SEMA3F: variants seen among roughly 807,000 people sequenced by gnomAD.
SEMA3F encodes semaphorin-3F.
Under a neutral mutation model 98.5 loss-of-function variants are expected in SEMA3F, and 30 were observed. That is an observed-to-expected ratio of 0.30 (90% CI 0.23 to 0.41). SEMA3F has a LOEUF of 0.41. Ranked by LOEUF, SEMA3F falls within the 10% of genes least tolerant of loss-of-function variation. The pLI is 1.00. For synonymous variants in SEMA3F, 380 were observed against 444.8 expected (o/e 0.85, Z 1.83); for missense variants, 866 against 1,119.3 (o/e 0.77, Z 3.23).
chr3:50,183,796 G>A (rs1575407040), intron 12 of SEMA3F, among the ~76,000 whole-genome samples: 1 of 152,196 alleles, frequency 6.6e-6, no homozygotes, highest in African/African-American at 2.4e-5. Flanking sequence ...TCCTCAGAGG[G>A]TCCTCTGTGG....
chr3:50,184,858 G>A (rs1249735035), intron 13 of SEMA3F, 44 bp downstream of exon 13: 40 of 1,465,130 alleles, frequency 2.7e-5, no homozygotes, highest in Admixed American at 9.0e-5. Flanking sequence ...GGGCCCACCG[G>A]GTGCGGGGTG....
intron 2 of SEMA3F, 71 bp downstream of exon 2, chr3:50,159,805 G>T: frequency 9.7e-7 from 1 of 1,031,350 alleles, no homozygotes. Flanking sequence ...CTCTGCACAC[G>T]AGAGAAAGGG....
At chr3:50,172,405 C>A (rs891878641) in intron 2 of SEMA3F, among the ~76,000 whole-genome samples, 1 of 152,096 alleles carries the variant, frequency 6.6e-6, no homozygotes, top group African/African-American at 2.4e-5. Context: ...CCTCGGCTCT[C>A]CCTCCCCTTG....
rs1699092788 is a variant in SEMA3F at position 50,183,449 on chromosome 3, T to C, written c.1118T>C (p.Val373Ala). Residue 373 changes from valine (V) to alanine (A), a missense_variant, in exon 12 of 19, where the codon GTC (valine) becomes GCC (alanine). Val to Ala is a moderately conservative substitution (Grantham distance 64). Transcript: ENST00000002829. ...GTGTTCCGAGGCTCTGCCGTGTGTG[T>C]CTACTCCATGGCTGATATTCGCATG... ...GSVFRGSAVC[V>A]YSMADIRMVF... is the part of the protein sequence containing the mutation. 1.9e-6 allele frequency: 3 copies of C among 1,614,006 alleles called. No individual in the cohort carries two copies. Among genetic ancestry groups the C allele is most frequent in the African/African-American group, 2.7e-5 (2 of 74,936 alleles).
Position 50,185,979 on chromosome 3 carries a change from C to T in SEMA3F, c.1678C>T (p.Leu560Phe). ...TGGGGCTGCCTGTGCTGACTGCTGCCTTGCCCGGGACCCTTACTGTGCCTG... is the reference window on the plus strand; with the variant it reads ...TGGGGCTGCCTGTGCTGACTGCTGCTTTGCCCGGGACCCTTACTGTGCCTG... Reference protein sequence around the residue: ...AYGAACADCCLARDPYCAWDG... With the variant: ...AYGAACADCCFARDPYCAWDG... Residue 560 changes from leucine to phenylalanine, a missense_variant, in exon 16 of 19, where the codon CTT (leucine) becomes TTT (phenylalanine). Physicochemically the swap from Leu to Phe is conservative, Grantham distance 22 (BLOSUM62 0). Around this residue, in one of 3 missense-constraint regions of SEMA3F, gnomAD observed 374 missense variants for 582.8 expected, o/e 0.64. Transcript: ENST00000002829. 1 of 1,614,132 alleles carries T rather than the reference C, an allele frequency of 6.2e-7. No individual in the cohort carries two copies. Among genetic ancestry groups the T allele is most frequent in the Non-Finnish European group, 8.5e-7 (1 of 1,180,002 alleles).
At chr3:50,174,611 A>ATATGTG (rs1698739752) in intron 5 of SEMA3F, among the ~76,000 whole-genome samples, 1 of 152,262 alleles carries the variant, frequency 6.6e-6, no homozygotes, top group African/African-American at 2.4e-5. Flanking sequence ...GCACATAGTA[A>ATATGTG]GCACTTGCTC....
intron 2 of SEMA3F, among the ~76,000 whole-genome samples, chr3:50,164,352 G>T (rs1466004788): frequency 2.0e-5 from 3 of 152,204 alleles, no homozygotes; most frequent in Non-Finnish European, 4.4e-5. Flanking sequence ...AATTTAAAGA[G>T]AAACCGCCAA....
intron 1 of SEMA3F, 27 bp from the exon 2 acceptor site, chr3:50,159,548 C>G (rs1054113289): frequency 1.1e-6 from 1 of 870,690 alleles, no homozygotes; most frequent in Admixed American, 2.4e-5. Flanking sequence ...CTGCCTCACA[C>G]ATTCCAATCT....
chr3:50,185,986 G>A lies in SEMA3F; in HGVS notation c.1685G>A (p.Arg562Gln). 8 of 1,614,066 alleles carry A rather than the reference G, an allele frequency of 5.0e-6. No homozygotes were observed. Among genetic ancestry groups the A allele is most frequent in the Non-Finnish European group, 5.9e-6 (7 of 1,179,992 alleles). Residue 562 changes from arginine (R) to glutamine (Q), a missense_variant, in exon 16 of 19, where the codon CGG becomes CAG. By Grantham distance (43) the Arg-to-Gln change is conservative (BLOSUM62 1). Around this residue, in one of 3 missense-constraint regions of SEMA3F, gnomAD observed 374 missense variants for 582.8 expected, o/e 0.64. Coordinates refer to ENST00000002829, the MANE Select transcript of SEMA3F (RefSeq NM_004186.5). Reference protein sequence around the residue: ...GAACADCCLARDPYCAWDGQA... With the variant: ...GAACADCCLAQDPYCAWDGQA... ...GCCTGTGCTGACTGCTGCCTTGCCC[G>A]GGACCCTTACTGTGCCTGGGATGGC...
At position 50,184,606 on chromosome 3, in the gene SEMA3F, C is replaced by G; in HGVS notation, c.1248C>G (p.Thr416=). ...YPRPGTCPGG[T]FTPSMKSTKD... ...CCTGTCCACAGTGCCCTGGTGGAAC[C>G]TTCACGCCATCTATGAAGTCCACCA... The change falls in exon 13 of 19, where the codon ACC becomes ACG. Residue 416 remains threonine, a synonymous_variant. Coordinates refer to ENST00000002829, the MANE Select transcript of SEMA3F (RefSeq NM_004186.5). The G allele has an allele frequency of 6.2e-7, 1 of 1,613,570 alleles. No individual in the cohort carries two copies.
intron 13 of SEMA3F, among the ~76,000 whole-genome samples, 195 bp from the exon 14 acceptor site, chr3:50,185,247 TG>T (rs1184186795): frequency 1.3e-5 from 2 of 152,188 alleles, no homozygotes; most frequent in Admixed American, 1.3e-4. Context: ...TCTGGGTTGG[TG>T]GGGGCAGACC....
chr3:50,188,179 A>C lies in SEMA3F; in HGVS notation c.*64A>C. The C allele has an allele frequency of 2.3e-6, 1 of 429,494 alleles. No individual in the cohort carries two copies. Among genetic ancestry groups the C allele is most frequent in the Non-Finnish European group, 3.5e-6 (1 of 281,850 alleles). The allele number at this position is 429,494 out of a possible 1,614,324, so 26.6% of individuals were successfully genotyped here. A position where few individuals can be genotyped will look rare whatever the true frequency, so the allele number is the denominator to read the frequency against. On this transcript the variant is annotated 3_prime_UTR_variant, in exon 19 of 19. Coordinates refer to ENST00000002829, the MANE Select transcript of SEMA3F (RefSeq NM_004186.5). The surrounding 1 kb of genome is among the most constrained non-coding windows in gnomAD (Gnocchi z 4.5). ...TTGTCCCTTTTAATATAAAAGATAT[A>C]TATATATATATATATATATAAAATA...
At position 50,188,036 on chromosome 3, in the gene SEMA3F, C is replaced by T; in HGVS notation, c.2279C>T (p.Ala760Val). 2 of 1,595,044 alleles carry T rather than the reference C, an allele frequency of 1.3e-6. No individual in the cohort carries two copies. Among genetic ancestry groups the T allele is most frequent in the East Asian group, 4.6e-5 (2 of 43,716 alleles). The change falls in exon 19 of 19, where the codon GCT (alanine) becomes GTT (valine). Residue 760 changes from alanine to valine, a missense_variant. Coordinates refer to ENST00000002829, the MANE Select transcript of SEMA3F (RefSeq NM_004186.5). This position sits in a 1 kb window ranked among gnomAD's most constrained non-coding sequence, Gnocchi z 4.5. ...WRHVPPSPRE[A>V]PGAPRSPEPQ... ...CATGTGCCCCCCAGCCCCAGGGAGGCTCCAGGGGCACCCCGGTCTCCTGAG... is the reference window on the plus strand; with the variant it reads ...CATGTGCCCCCCAGCCCCAGGGAGGTTCCAGGGGCACCCCGGTCTCCTGAG...
rs1699179738 is a variant in SEMA3F at position 50,185,517 on chromosome 3, G to A, written c.1531G>A (p.Val511Met). 3 of 1,613,972 alleles carry A rather than the reference G, an allele frequency of 1.9e-6. No individual in the cohort carries two copies. The highest frequency in any genetic ancestry group is 2.5e-6 in the Non-Finnish European group (3 of 1,179,880). ...QELEELMLEE[V>M]EVFKDPAPVK... ...GTTGGAGGAGCTCATGCTGGAGGAG[G>A]TGGAGGTCTTCAAGGTGGGTGTGAC... Residue 511 changes from valine (V) to methionine (M), a missense_variant, in exon 14 of 19, where the codon GTG becomes ATG. Val to Met is a conservative substitution (Grantham distance 21). Transcript: ENST00000002829.
chr3:50,185,724 G>A lies in SEMA3F; in HGVS notation c.1587+17G>A, dbSNP rs1699188799. 5.0e-6 allele frequency: 8 copies of A among 1,614,048 alleles called. No individual in the cohort carries two copies. The highest frequency in any genetic ancestry group is 1.3e-5 in the African/African-American group (1 of 74,940). On this transcript the variant is annotated intron_variant, in intron 15 of 18. Coordinates refer to ENST00000002829, the MANE Select transcript of SEMA3F (RefSeq NM_004186.5). ...TCTAAGAGGGTAAGCCTTTGGCGAG[G>A]TGAGCCAAGGTTGGGGACAGGGCCT...
chr3:50,164,631 G>C lies in SEMA3F; in HGVS notation c.112+4897G>C, dbSNP rs111411044. ...AGTGGTGATGGTGGTGGCTGAGCTA[G>C]CTGGTCCCAAAGGCAAAACCCAGTT... On this transcript the variant is annotated intron_variant, in intron 2 of 18. Coordinates refer to ENST00000002829, the MANE Select transcript of SEMA3F (RefSeq NM_004186.5). Among the ~76,000 whole-genome samples the C allele has an allele frequency of 8.8e-3, 1,336 of 152,328 alleles. 22 individuals are homozygous for C. Among genetic ancestry groups the C allele is most frequent in the African/African-American group, 0.03 (1,238 of 41,562 alleles).
rs1559736877 is a variant in SEMA3F at position 50,183,444 on chromosome 3, G to T, written c.1113G>T (p.Val371=). The change falls in exon 12 of 19, where the codon GTG becomes GTT. Residue 371 remains valine (V), a synonymous_variant. Transcript: ENST00000002829. ...SSGSVFRGSA[V]CVYSMADIRM... ...GCTCCGTGTTCCGAGGCTCTGCCGT[G>T]TGTGTCTACTCCATGGCTGATATTC... 1 of 1,614,022 alleles carries T rather than the reference G, an allele frequency of 6.2e-7. No homozygotes were observed. Among genetic ancestry groups the T allele is most frequent in the Non-Finnish European group, 8.5e-7 (1 of 1,180,036 alleles).
intron 1 of SEMA3F, chr3:50,159,329 G>A: frequency 5.5e-6 from 2 of 366,386 alleles, no homozygotes; most frequent in Non-Finnish European, 9.7e-6. Context: ...CATGCCATGA[G>A]GGGTAGGGTT....
At chr3:50,186,392 G>C in intron 17 of SEMA3F, 44 bp downstream of exon 17, 1 of 1,589,188 alleles carries the variant, frequency 6.3e-7, no homozygotes, top group Non-Finnish European at 8.6e-7. Flanking sequence ...TCACACTGCA[G>C]AAGTCCACGC....
Sources: allele counts gnomAD v4.1 joint callset (sites outside exome capture counted in the v4.1 genomes callset), GRCh38; gene constraint gnomAD v4.1.1; regional missense constraint gnomAD v4.1.1; non-coding constraint Gnocchi (gnomAD v3.1); transcripts MANE v1.5; gene names NCBI Gene and HGNC (gene_info 2026-07-23, HGNC 2026-07-21).